The following BTBD9 variants were observed in gnomAD, a reference collection of about 807,000 sequenced individuals.
BTBD9 encodes BTB/POZ domain-containing protein 9.
Under a neutral mutation model 64.3 loss-of-function variants are expected in BTBD9, and 49 were observed. That is an observed-to-expected ratio of 0.76 (90% CI 0.61 to 0.97). BTBD9 has a LOEUF of 0.97. BTBD9 is among the 50% of genes least tolerant of loss of function. BTBD9 has a pLI of 0.00. For missense variants in BTBD9, 598 were observed against 762.1 expected (o/e 0.78, Z 2.53); for synonymous variants, 260 against 274.7 (o/e 0.95, Z 0.53).
chr6:38,330,899 C>A (rs1196453902), intron 7 of BTBD9, among the ~76,000 whole-genome samples: 1 of 152,164 alleles, frequency 6.6e-6, no homozygotes, highest in African/African-American at 2.4e-5. Flanking sequence ...GAGTAAAGAG[C>A]TAAATGCTTA....
At chr6:38,345,163 G>C in intron 6 of BTBD9, 70 bp from the exon 7 acceptor site, 3 of 961,100 alleles carry the variant, frequency 3.1e-6, no homozygotes, top group Middle Eastern at 4.4e-4. Context: ...GGATAACAGA[G>C]TAAGACACGT....
chr6:38,453,846 T>C (rs938246862), intron 6 of BTBD9, among the ~76,000 whole-genome samples: 16 of 152,106 alleles, frequency 1.1e-4, no homozygotes, highest in Non-Finnish European at 1.6e-4. Context: ...GAAGAAGACA[T>C]TGGAAAAAGG....
At position 38,577,728 on chromosome 6, in the gene BTBD9, C is replaced by T; in HGVS notation, c.1035-9G>A. On this transcript the variant is annotated splice_polypyrimidine_tract_variant and intron_variant, in intron 5 of 10. Coordinates refer to ENST00000481247, the MANE Select transcript of BTBD9 (RefSeq NM_001099272.2). ...TGAAGTATGAGTAAGACCTGTGAAT[C>T]AAAAGGAAAAAGCAGAAAAAAATTA... 2 of 1,596,900 alleles carry T rather than the reference C, an allele frequency of 1.3e-6. No homozygotes were observed. The highest frequency in any genetic ancestry group is 1.7e-6 in the Non-Finnish European group (2 of 1,176,620).
intron 6 of BTBD9, among the ~76,000 whole-genome samples, chr6:38,562,594 T>C (rs542462170): frequency 6.6e-6 from 1 of 152,336 alleles, no homozygotes; most frequent in South Asian, 2.1e-4. Context: ...TCTATTCTCA[T>C]ATAAATCCAA....
intron 7 of BTBD9, among the ~76,000 whole-genome samples, chr6:38,296,791 T>C (rs1313116069): frequency 1.3e-5 from 2 of 152,314 alleles, no homozygotes; most frequent in South Asian, 2.1e-4. Context: ...GTTTTCAACT[T>C]TCTAAACATC....
chr6:38,249,758 C>CAAAAAAAAAA (rs386358932), intron 9 of BTBD9, among the ~76,000 whole-genome samples: 1 of 121,792 alleles, frequency 8.2e-6, no homozygotes. Context: ...CATTAAGAAT[C>CAAAAAAAAAA]AAAAAAAAAA....
intron 9 of BTBD9, among the ~76,000 whole-genome samples, chr6:38,253,489 T>G (rs1764469961): frequency 6.6e-6 from 1 of 152,016 alleles, no homozygotes; most frequent in South Asian, 2.1e-4. Context: ...TCCCTCAACA[T>G]GTGGGGATTA....
rs375314099 is a variant in BTBD9 at position 38,418,269 on chromosome 6, G to A, written c.1155-73176C>T. On this transcript the variant is annotated intron_variant, in intron 6 of 10. Transcript: ENST00000481247. ...ATATGTTTAGGGTTGCACAACTACC[G>A]TGTAAATGTGTTAAGGCTCAGATGC... Among the ~76,000 whole-genome samples, 14 of 152,270 alleles carry A rather than the reference G, an allele frequency of 9.2e-5. No homozygotes were observed. In the East Asian group the frequency reaches 1.2e-3, roughly 13 times the overall value.
chr6:38,490,059 T>C (rs529219628), intron 6 of BTBD9, among the ~76,000 whole-genome samples: 5 of 152,332 alleles, frequency 3.3e-5, no homozygotes, highest in Admixed American at 6.5e-5. Flanking sequence ...AATGACCTAT[T>C]AGTTTCTAAA....
At chr6:38,623,776 T>C (rs375218107) in intron 1 of BTBD9, among the ~76,000 whole-genome samples, 1 of 152,212 alleles carries the variant, frequency 6.6e-6, no homozygotes, top group East Asian at 1.9e-4. Flanking sequence ...TTAAACTCCT[T>C]GTCAAATTTG....
At chr6:38,631,248 A>G (rs1326738594) in intron 1 of BTBD9, among the ~76,000 whole-genome samples, 3 of 152,266 alleles carry the variant, frequency 2.0e-5, no homozygotes, top group Non-Finnish European at 4.4e-5. Flanking sequence ...ATTTCCAGAA[A>G]ATACCATGAA....
intron 9 of BTBD9, among the ~76,000 whole-genome samples, chr6:38,235,035 C>T (rs1763731384): frequency 6.6e-6 from 1 of 152,226 alleles, no homozygotes. Flanking sequence ...TCTGAGCCCT[C>T]CACCAGTTAA....
intron 7 of BTBD9, among the ~76,000 whole-genome samples, chr6:38,326,979 G>C (rs1388706145): frequency 6.6e-6 from 1 of 152,012 alleles, no homozygotes; most frequent in East Asian, 1.9e-4. Flanking sequence ...TTTACATTCG[G>C]CTTTATTACC....
chr6:38,505,956 C>T (rs187076546), intron 6 of BTBD9, among the ~76,000 whole-genome samples: 4 of 19,832 alleles, frequency 2.0e-4, no homozygotes, highest in East Asian at 1.4e-3. Context: ...AGCATGGCTC[C>T]GTCTCAACAA....
chr6:38,203,103 T>C (rs1762520260), intron 9 of BTBD9, among the ~76,000 whole-genome samples: 1 of 152,026 alleles, frequency 6.6e-6, no homozygotes, highest in Non-Finnish European at 1.5e-5. Flanking sequence ...TGGGAAAATG[T>C]AAATCAAAAC....
At chr6:38,374,297 G>GTATATATATATATATATATATATATA (rs1468972879) in intron 6 of BTBD9, among the ~76,000 whole-genome samples, 2 of 53,698 alleles carry the variant, frequency 3.7e-5, no homozygotes, top group African/African-American at 1.8e-4. Context: ...ATATATATAT[G>GTATATATATATATATATATATATATA]TATATATATG....
chr6:38,518,658 C>T (rs896753202), intron 6 of BTBD9, among the ~76,000 whole-genome samples: 1 of 152,198 alleles, frequency 6.6e-6, no homozygotes, highest in African/African-American at 2.4e-5. Flanking sequence ...CAACCCTGAG[C>T]TGACCAATCT....
rs1285797549 is a variant in BTBD9, at chr6:38,597,895, G to C, written c.185+15C>G. On this transcript the variant is annotated intron_variant, in intron 2 of 10. Transcript: ENST00000481247. Reference sequence around the variant, plus strand: ...CAAGTGAACTAAATTTTCAAAAAAAGTATTACACACTTACCGAAAATATTG... The same window carrying C: ...CAAGTGAACTAAATTTTCAAAAAAACTATTACACACTTACCGAAAATATTG... 1 of 1,609,456 alleles carries C rather than the reference G, an allele frequency of 6.2e-7. No individual in the cohort carries two copies. Among genetic ancestry groups the C allele is most frequent in the Admixed American group, 1.7e-5 (1 of 59,022 alleles).
At chr6:38,580,511 C>A in intron 4 of BTBD9, 74 bp from the exon 5 acceptor site, 1 of 1,289,672 alleles carries the variant, frequency 7.8e-7, no homozygotes, top group Non-Finnish European at 1.1e-6. Context: ...AAATACAATT[C>A]TAGCATTCCA....
Sources: gnomAD v4.1 joint callset for allele counts (sites outside exome capture counted in the v4.1 genomes callset) on GRCh38, gnomAD v4.1.1 for gene constraint, MANE v1.5 for transcripts, NCBI Gene and HGNC (gene_info 2026-07-23, HGNC 2026-07-21) for gene names.